The following ELMOD2 variants were observed in gnomAD, a reference collection of about 807,000 sequenced individuals.
ELMOD2 encodes ELMO domain containing 2.
A neutral mutation model predicts 41.0 loss-of-function variants in ELMOD2; 28 were observed. The observed-to-expected ratio is 0.68, with a 90% confidence interval of 0.51 to 0.94. ELMOD2 has a LOEUF of 0.94. Ranked by LOEUF, ELMOD2 falls within the 40% of genes least tolerant of loss-of-function variation. ELMOD2 has a pLI of 0.00. For synonymous variants in ELMOD2, 106 were observed against 107.2 expected, an observed-to-expected ratio of 0.99 and a Z score of 0.07; for missense variants, 333 against 343.1, an observed-to-expected ratio of 0.97 and a Z score of 0.23.
intron 8 of ELMOD2, among the ~76,000 whole-genome samples, chr4:140,544,550 T>G (rs1735210584): frequency 6.6e-6 from 1 of 152,112 alleles, no homozygotes; most frequent in African/African-American, 2.4e-5. Flanking sequence ...CTGATCGTTT[T>G]ACTCCACTCC....
intron 8 of ELMOD2, among the ~76,000 whole-genome samples, chr4:140,548,556 C>A (rs2110886098): frequency 6.6e-6 from 1 of 152,080 alleles, no homozygotes; most frequent in East Asian, 1.9e-4. Flanking sequence ...ATGGGATTTC[C>A]ATTTTACATA....
chr4:140,539,574 C>A (rs1238373856), intron 5 of ELMOD2, among the ~76,000 whole-genome samples: 1 of 152,132 alleles, frequency 6.6e-6, no homozygotes, highest in Admixed American at 6.5e-5. Flanking sequence ...TCTTGATCTC[C>A]TGACCTGGTG....
In ELMOD2 at chr4:140,550,402, C is replaced by G; in HGVS notation, c.*27C>G. On this transcript the variant is annotated 3_prime_UTR_variant, in exon 9 of 9. Transcript: ENST00000323570. ...TCATCCACTGTATCTTCTATTTCTACCACATTTTGCACATTCAACAGAATT... is the reference window on the plus strand; with the variant it reads ...TCATCCACTGTATCTTCTATTTCTAGCACATTTTGCACATTCAACAGAATT... 6.4e-7 allele frequency: 1 copy of G among 1,566,624 alleles called. No individual in the cohort carries two copies. The highest frequency in any genetic ancestry group is 2.2e-4 in the Middle Eastern group (1 of 4,476).
chr4:140,545,626 A>G (rs1301230141), intron 8 of ELMOD2, among the ~76,000 whole-genome samples: 1 of 152,172 alleles, frequency 6.6e-6, no homozygotes, highest in African/African-American at 2.4e-5. Flanking sequence ...TGATGATTCT[A>G]CCCAAGTGTA....
chr4:140,539,078 G>A (rs948138714), intron 5 of ELMOD2, among the ~76,000 whole-genome samples: 9 of 152,136 alleles, frequency 5.9e-5, no homozygotes, highest in African/African-American at 1.9e-4. Flanking sequence ...TTTAGCTTCA[G>A]AGCCAGTCTT....
At chr4:140,546,404 G>T (rs1414325933) in intron 8 of ELMOD2, among the ~76,000 whole-genome samples, 2 of 151,966 alleles carry the variant, frequency 1.3e-5, no homozygotes, top group Non-Finnish European at 2.9e-5. Flanking sequence ...GTTAATGGGT[G>T]CAGCACACCA....
At chr4:140,542,395 A>T (rs1735134705) in intron 6 of ELMOD2, 179 bp from the exon 7 acceptor site, 1 of 512,762 alleles carries the variant, frequency 2.0e-6, no homozygotes, top group Non-Finnish European at 3.4e-6. Flanking sequence ...TAGGCCTGAT[A>T]GCTTGGGAAA....
chr4:140,533,493 A>C (rs1734815092), intron 3 of ELMOD2, among the ~76,000 whole-genome samples: 1 of 152,196 alleles, frequency 6.6e-6, no homozygotes, highest in Admixed American at 6.5e-5. Context: ...CTCTTACCAT[A>C]CATGAAAACT....
intron 3 of ELMOD2, among the ~76,000 whole-genome samples, chr4:140,528,764 T>G (rs1008374247): frequency 6.6e-6 from 1 of 152,166 alleles, no homozygotes; most frequent in Non-Finnish European, 1.5e-5. Flanking sequence ...TTAAGAATGG[T>G]CTATTTAAGA....
In ELMOD2 at chr4:140,552,416, C is replaced by G. The variant is rs1258349642; in HGVS notation, c.*2041C>G. 2 of 151,968 alleles carry G rather than the reference C, an allele frequency of 1.3e-5. No individual in the cohort carries two copies. The highest frequency in any genetic ancestry group is 2.1e-4 in the South Asian group (1 of 4,822). 9.4% of individuals were successfully genotyped at this position (151,968 alleles called of 1,614,324 possible). A position where few individuals can be genotyped will look rare whatever the true frequency, so the allele number is the denominator to read the frequency against. On this transcript the variant is annotated 3_prime_UTR_variant, in exon 9 of 9. Transcript: ENST00000323570. ...TCATTCTGTTTTTGCTTAAAATAAT[C>G]TGCAACCATTTCAGATAGTTTTACA... is the stretch of plus-strand genomic sequence containing the variant.
intron 8 of ELMOD2, among the ~76,000 whole-genome samples, chr4:140,548,901 CAT>C (rs1735377354): frequency 6.6e-6 from 1 of 152,002 alleles, no homozygotes; most frequent in Non-Finnish European, 1.5e-5. Context: ...TATTATATGA[CAT>C]ATGATAAACT....
chr4:140,551,339 T>C lies in ELMOD2; in HGVS notation c.*964T>C, dbSNP rs1236420910. On this transcript the variant is annotated 3_prime_UTR_variant, in exon 9 of 9. Coordinates refer to ENST00000323570, the MANE Select transcript of ELMOD2 (RefSeq NM_153702.4). ...CTCAGTTAAACATCATTGGTTTATTTGACTTACTGTTAACTCTTGCTTCTC... is the reference window on the plus strand; with the variant it reads ...CTCAGTTAAACATCATTGGTTTATTCGACTTACTGTTAACTCTTGCTTCTC... 1 of 152,140 alleles carries C rather than the reference T, an allele frequency of 6.6e-6. No individual in the cohort carries two copies. The highest frequency in any genetic ancestry group is 1.5e-5 in the Non-Finnish European group (1 of 67,972). 9.4% of individuals were successfully genotyped at this position (152,140 alleles called of 1,614,324 possible).
Position 140,535,831 on chromosome 4 carries a change from G to C in ELMOD2, c.269+1G>C. ...ATATTAACCCTGAGAAGGATGCCAG[G>C]TGTGCGTTTTTTACATTATTCTTTT... On this transcript the variant is annotated splice_donor_variant, in intron 4 of 8. Transcript: ENST00000323570. LOFTEE classifies it high-confidence loss of function. 1 of 1,594,566 alleles carries C rather than the reference G, an allele frequency of 6.3e-7. No homozygotes were observed. Among genetic ancestry groups the C allele is most frequent in the Non-Finnish European group, 8.5e-7 (1 of 1,175,110 alleles).
chr4:140,540,108 A>G, intron 5 of ELMOD2, 60 bp from the exon 6 acceptor site: 6 of 1,556,826 alleles, frequency 3.9e-6, no homozygotes, highest in Non-Finnish European at 4.4e-6. Flanking sequence ...ATAGCATTAA[A>G]TTACTAGTTA....
At chr4:140,530,738 A>T (rs991918024) in intron 3 of ELMOD2, among the ~76,000 whole-genome samples, 6 of 152,298 alleles carry the variant, frequency 3.9e-5, no homozygotes, top group African/African-American at 1.4e-4. Context: ...CAATAAACAG[A>T]GGTAGCCTTA....
chr4:140,544,526 T>C (rs1186699462), intron 8 of ELMOD2, among the ~76,000 whole-genome samples: 15 of 152,114 alleles, frequency 9.9e-5, no homozygotes, highest in Admixed American at 9.8e-4. Flanking sequence ...AGTATAGTTA[T>C]TTAAAATGAA....
intron 8 of ELMOD2, among the ~76,000 whole-genome samples, chr4:140,549,805 C>T (rs1014250320): frequency 8.7e-5 from 13 of 148,930 alleles, no homozygotes; most frequent in East Asian, 4.1e-4. Context: ...TTTACCTCAG[C>T]CTCCCAAGTA....
At chr4:140,531,973 T>A (rs867592219) in intron 3 of ELMOD2, among the ~76,000 whole-genome samples, 2 of 152,142 alleles carry the variant, frequency 1.3e-5, no homozygotes, top group African/African-American at 4.8e-5. Context: ...CATTAACTCC[T>A]AGGAAATAGA....
At chr4:140,536,425 G>A (rs1734929103) in intron 4 of ELMOD2, among the ~76,000 whole-genome samples, 1 of 152,104 alleles carries the variant, frequency 6.6e-6, no homozygotes, top group South Asian at 2.1e-4. Context: ...GATGAGGAAC[G>A]GTCTAGGAGG....
Sources: allele counts gnomAD v4.1 joint callset (sites outside exome capture counted in the v4.1 genomes callset), GRCh38; gene constraint gnomAD v4.1.1; transcripts MANE v1.5; gene names NCBI Gene and HGNC (gene_info 2026-07-23, HGNC 2026-07-21).